SNRPN: variants seen among roughly 807,000 people sequenced by gnomAD.
The protein encoded by SNRPN is small nuclear ribonucleoprotein-associated protein N.
Under a neutral mutation model 25.2 loss-of-function variants are expected in SNRPN, and 7 were observed. That is an observed-to-expected ratio of 0.28 (90% CI 0.16 to 0.52). SNRPN has a LOEUF of 0.52. SNRPN is among the 20% of genes least tolerant of loss of function. The pLI, the probability that SNRPN is intolerant of heterozygous loss-of-function variation, is 0.96. For synonymous variants in SNRPN, 124 were observed against 110.6 expected (o/e 1.12, Z -0.76); for missense variants, 196 against 322.5 (o/e 0.61, Z 3.00).
In SNRPN at chr15:24,891,734, G is replaced by A. The variant is rs377308086; in HGVS notation, c.-505+5145G>A. 6.3e-4 allele frequency among the ~76,000 whole-genome samples: 96 copies of A among 151,972 alleles called. 2 individuals carry two copies. The South Asian group carries it at 0.015, about 24-fold the overall frequency. On this transcript the variant is annotated intron_variant, in intron 2 of 11. Transcript: ENST00000400097. ...ATTACAGGGATGAGCCACCACACCC[G>A]GCAAATTTCTTTTAAGATATTTTAT...
chr15:24,927,474 AAATTTTTTTTTTT>A (rs2060467677), intron 3 of SNRPN, among the ~76,000 whole-genome samples: 1 of 6,854 alleles, frequency 1.5e-4, no homozygotes, highest in Non-Finnish European at 3.3e-4. Flanking sequence ...TAAAGTTTTT[AAATTTTTTTTTTT>A]TTTTTTTTTT....
At chr15:24,954,787 A>G, upstream of SNRPN, 1 of 561,084 alleles carries the variant, frequency 1.8e-6, no homozygotes, top group Non-Finnish European at 3.2e-6. Context: ...TGGTTTCTAG[A>G]GGCCCCCTCT....
intron 2 of SNRPN, chr15:24,909,024 T>G: frequency 7.0e-7 from 1 of 1,424,810 alleles, no homozygotes; most frequent in Non-Finnish European, 9.9e-7. Context: ...TTGGGATGGT[T>G]CCACCTCTTC....
intron 2 of SNRPN, among the ~76,000 whole-genome samples, chr15:24,834,751 C>CTCTCTCTCTCTCTCTATATATCTA: frequency 3.3e-5 from 2 of 60,956 alleles, no homozygotes; most frequent in Non-Finnish European, 6.6e-5. Flanking sequence ...CTCTCTCTCT[C>CTCTCTCTCTCTCTCTATATATCTA]TATATATATA....
intron 1 of SNRPN, among the ~76,000 whole-genome samples, chr15:24,955,677 A>G (rs1365890036): frequency 2.2e-5 from 1 of 44,518 alleles, no homozygotes; most frequent in Non-Finnish European, 4.4e-5. Flanking sequence ...TCGGTGTGAC[A>G]GTGGTGGGGG....
At chr15:24,930,451 C>G (rs1012380661) in intron 3 of SNRPN, among the ~76,000 whole-genome samples, 1 of 151,478 alleles carries the variant, frequency 6.6e-6, no homozygotes, top group Non-Finnish European at 1.5e-5. Context: ...TCACCTATAC[C>G]TTATTAGAAC....
intron 3 of SNRPN, among the ~76,000 whole-genome samples, chr15:24,931,459 C>T (rs889246266): frequency 2.0e-5 from 3 of 152,018 alleles, no homozygotes; most frequent in Non-Finnish European, 4.4e-5. Flanking sequence ...TGGGTGTCTA[C>T]TGGACACTGG....
intron 2 of SNRPN, among the ~76,000 whole-genome samples, chr15:24,917,644 G>A (rs776398074): frequency 6.6e-6 from 1 of 152,248 alleles, no homozygotes; most frequent in Non-Finnish European, 1.5e-5. Flanking sequence ...CCGCTAGCAG[G>A]GGCCAAACCC....
At chr15:24,923,201 C>A (rs535531799) in intron 3 of SNRPN, among the ~76,000 whole-genome samples, 1 of 152,096 alleles carries the variant, frequency 6.6e-6, no homozygotes, top group African/African-American at 2.4e-5. Flanking sequence ...ACACCATGCG[C>A]GGCTGCAGAT....
chr15:24,919,362 C>G (rs1012645299), intron 2 of SNRPN, among the ~76,000 whole-genome samples: 1 of 148,540 alleles, frequency 6.7e-6, no homozygotes, highest in Admixed American at 6.8e-5. Context: ...ACCCGGGAGG[C>G]GGAGCTTGGA....
intron 3 of SNRPN, among the ~76,000 whole-genome samples, chr15:24,923,876 C>CGTGTGTGTGTGTGTGT (rs1488829289): frequency 2.7e-4 from 29 of 107,016 alleles, no homozygotes; most frequent in Non-Finnish European, 3.5e-4. Context: ...TTTTTAGTGC[C>CGTGTGTGTGTGTGTGT]GTGTATGTGT....
chr15:24,978,189 G>A lies in SNRPN; in HGVS notation c.560-4G>A, dbSNP rs370345153. On this transcript the variant is annotated splice_polypyrimidine_tract_variant and splice_region_variant and intron_variant, in intron 8 of 9. Transcript: ENST00000390687. Reference sequence around the variant, plus strand: ...GCCTTTATTTCTACCATTTTTCACTGTAGGCATTATGGCTCCTCCACCTGG... The same window carrying A: ...GCCTTTATTTCTACCATTTTTCACTATAGGCATTATGGCTCCTCCACCTGG... The A allele has an allele frequency of 1.2e-4, 193 of 1,611,960 alleles. 1 individual carries two copies. In the Middle Eastern group the frequency reaches 2.0e-3, roughly 17 times the overall value.
Position 24,957,327 on chromosome 15 carries a change from G to A in SNRPN, c.-391+2265G>A, listed in dbSNP as rs753926391. On this transcript the variant is annotated intron_variant, in intron 1 of 9. Transcript: ENST00000390687. Reference sequence around the variant, plus strand: ...GAAAGCTGCAAGTTTTGTGCTCAAAGAGAATAAAAGAGAAAAGTGGAGACA... The same window carrying A: ...GAAAGCTGCAAGTTTTGTGCTCAAAAAGAATAAAAGAGAAAAGTGGAGACA... 5.1e-4 allele frequency among the ~76,000 whole-genome samples: 77 copies of A among 152,168 alleles called. 1 individual carries two copies. Among genetic ancestry groups the A allele is most frequent in the Non-Finnish European group, 8.7e-4 (59 of 68,022 alleles).
chr15:24,968,103 G>C, intron 3 of SNRPN, 21 bp downstream of exon 3: 1 of 1,339,270 alleles, frequency 7.5e-7, no homozygotes, highest in Non-Finnish European at 1.1e-6. Context: ...ATGCAGCAAT[G>C]ATCAAGAATA....
chr15:24,913,910 A>G (rs2152294153), intron 2 of SNRPN, among the ~76,000 whole-genome samples: 1 of 152,352 alleles, frequency 6.6e-6, no homozygotes, highest in Admixed American at 6.5e-5. Flanking sequence ...AAGTGAAAAG[A>G]TAAAGAAAAA....
intron 3 of SNRPN, among the ~76,000 whole-genome samples, chr15:24,922,037 TAAAAA>T (rs67089476): frequency 1.1e-5 from 1 of 94,416 alleles, no homozygotes. Flanking sequence ...CCGTCTCTAC[TAAAAA>T]AAAAAAAAAA....
chr15:24,897,256 C>T (rs2058130982), intron 2 of SNRPN, among the ~76,000 whole-genome samples: 1 of 152,140 alleles, frequency 6.6e-6, no homozygotes, highest in South Asian at 2.1e-4. Flanking sequence ...TGCCCACTGA[C>T]CCACAGGAAT....
chr15:24,946,009 C>T (rs2061861663), intron 3 of SNRPN, among the ~76,000 whole-genome samples: 1 of 152,024 alleles, frequency 6.6e-6, no homozygotes. Flanking sequence ...GTGTGTGTGT[C>T]CTGTTTTGTG....
chr15:24,931,176 C>T (rs8024925), intron 3 of SNRPN, among the ~76,000 whole-genome samples: 7,290 of 152,186 alleles, frequency 0.048, 593 homozygotes, highest in African/African-American at 0.16. Flanking sequence ...ATTAGTTTTG[C>T]TTCTTCTGGT....
Sources: allele counts gnomAD v4.1 joint callset (sites outside exome capture counted in the v4.1 genomes callset), GRCh38; gene constraint gnomAD v4.1.1; transcripts MANE v1.5; gene names NCBI Gene and HGNC (gene_info 2026-07-23, HGNC 2026-07-21).